The following TCERG1L variants were observed in gnomAD, a reference collection of about 807,000 sequenced individuals.
The protein encoded by TCERG1L is transcription elongation regulator 1 like, also known as transcription elongation regulator 1-like protein.
A neutral mutation model predicts 56.3 loss-of-function variants in TCERG1L; 37 were observed. That is an observed-to-expected ratio of 0.66 (90% CI 0.51 to 0.87). The LOEUF is 0.87. TCERG1L is among the 40% of genes least tolerant of loss of function. The pLI is 0.00. For missense variants in TCERG1L, 799 were observed against 774.2 expected (o/e 1.03, Z -0.38); for synonymous variants, 324 against 326.3 (o/e 0.99, Z 0.08).
chr10:131,220,179 G>C (rs572708220), intron 4 of TCERG1L, among the ~76,000 whole-genome samples: 232 of 152,302 alleles, frequency 1.5e-3, no homozygotes, highest in Non-Finnish European at 2.7e-3. Flanking sequence ...ATGCGAAGGG[G>C]ACAGCCCCCC....
At chr10:131,253,600 T>A (rs548273487) in intron 4 of TCERG1L, among the ~76,000 whole-genome samples, 2 of 152,284 alleles carry the variant, frequency 1.3e-5, no homozygotes, top group East Asian at 3.9e-4. Context: ...TGCTGAACGC[T>A]TCCTGACTGT....
chr10:131,093,450 G>A (rs370184383), intron 11 of TCERG1L, 132 bp from the exon 12 acceptor site: 36 of 1,081,748 alleles, frequency 3.3e-5, no homozygotes, highest in Middle Eastern at 2.7e-4. Context: ...CAGGGCACCC[G>A]GTGGGTGAGC....
intron 4 of TCERG1L, among the ~76,000 whole-genome samples, chr10:131,211,363 G>C (rs1251536643): frequency 1.3e-5 from 2 of 152,240 alleles, no homozygotes; most frequent in African/African-American, 4.8e-5. Context: ...CCCTGAGCAC[G>C]GGGCTCTGAC....
At chr10:131,093,429 G>A in intron 11 of TCERG1L, 111 bp from the exon 12 acceptor site, 3 of 1,339,110 alleles carry the variant, frequency 2.2e-6, no homozygotes, top group Non-Finnish European at 3.1e-6. Context: ...ACCAGGCCTG[G>A]CCGTGGGTGG....
intron 4 of TCERG1L, among the ~76,000 whole-genome samples, chr10:131,251,829 T>C (rs148448731): frequency 7.9e-5 from 12 of 152,332 alleles, no homozygotes; most frequent in African/African-American, 2.9e-4. Context: ...TACAGTTCAG[T>C]GGCATTAAAC....
At chr10:131,297,445 T>C (rs1846710816) in intron 3 of TCERG1L, among the ~76,000 whole-genome samples, 1 of 152,250 alleles carries the variant, frequency 6.6e-6, no homozygotes, top group South Asian at 2.1e-4. Context: ...AAATATATTA[T>C]CAACTTTAAA....
intron 4 of TCERG1L, among the ~76,000 whole-genome samples, chr10:131,167,396 C>G (rs1312565541): frequency 6.6e-6 from 1 of 152,200 alleles, no homozygotes; most frequent in Non-Finnish European, 1.5e-5. Context: ...CATTGTGGGG[C>G]CCCCAGTGCG....
chr10:131,109,217 T>A (rs1258418681), intron 9 of TCERG1L, among the ~76,000 whole-genome samples: 1 of 152,232 alleles, frequency 6.6e-6, no homozygotes, highest in African/African-American at 2.4e-5. Flanking sequence ...ATTTGTGACT[T>A]GATCCTTAAA....
intron 3 of TCERG1L, among the ~76,000 whole-genome samples, chr10:131,293,961 C>A (rs774307071): frequency 6.6e-6 from 1 of 152,154 alleles, no homozygotes; most frequent in Admixed American, 6.5e-5. Flanking sequence ...GGTTCAGACG[C>A]GTGGTGGCTG....
At chr10:131,196,052 C>A (rs541815680) in intron 4 of TCERG1L, among the ~76,000 whole-genome samples, 1 of 152,198 alleles carries the variant, frequency 6.6e-6, no homozygotes. Flanking sequence ...CAGTGAGTAC[C>A]CCCATTGCCA....
At chr10:131,295,598 C>T (rs575243494) in intron 3 of TCERG1L, among the ~76,000 whole-genome samples, 1 of 152,320 alleles carries the variant, frequency 6.6e-6, no homozygotes, top group East Asian at 1.9e-4. Context: ...TTTCTTTAAA[C>T]TCACATAAAA....
chr10:131,218,199 C>A (rs1425614073), intron 4 of TCERG1L, among the ~76,000 whole-genome samples: 4 of 152,180 alleles, frequency 2.6e-5, no homozygotes, highest in African/African-American at 9.7e-5. Context: ...TTTAATAGTG[C>A]ATGGCTTCTG....
At chr10:131,095,006 G>A (rs1176728504) in intron 11 of TCERG1L, among the ~76,000 whole-genome samples, 2 of 152,252 alleles carry the variant, frequency 1.3e-5, no homozygotes, top group Non-Finnish European at 2.9e-5. Context: ...CCAAGGGGCA[G>A]CAACCGGCTT....
chr10:131,261,783 G>A (rs1216567226), intron 3 of TCERG1L, among the ~76,000 whole-genome samples: 2 of 152,156 alleles, frequency 1.3e-5, no homozygotes, highest in African/African-American at 2.4e-5. Context: ...TTGATTTTCT[G>A]TACTTTCCAG....
At chr10:131,139,261 A>T (rs181274292) in intron 7 of TCERG1L, among the ~76,000 whole-genome samples, 88 of 152,342 alleles carry the variant, frequency 5.8e-4, no homozygotes, top group African/African-American at 2.0e-3. Context: ...CACAATCGAT[A>T]TGTTTGCAGA....
chr10:131,107,533 C>T (rs1254246974), intron 9 of TCERG1L, among the ~76,000 whole-genome samples: 7 of 152,046 alleles, frequency 4.6e-5, no homozygotes, highest in African/African-American at 7.2e-5. Context: ...AAGTGAAGGC[C>T]GCACAGCCAT....
rs74584283 is a variant in TCERG1L, at chr10:131,309,017, G to A, written c.489+136C>T. The A allele has an allele frequency of 1.7e-3, 1,742 of 1,005,580 alleles. 25 individuals are homozygous for A. In the African/African-American group the frequency reaches 0.026, roughly 15 times the overall value. 62.3% of individuals were successfully genotyped at this position (1,005,580 alleles called of 1,614,324 possible). Reference sequence around the variant, plus strand: ...TTTTTGAACAAATCAATCTAATCCTGAAATGATTTATTTCTATACCTAGAT... The same window carrying A: ...TTTTTGAACAAATCAATCTAATCCTAAAATGATTTATTTCTATACCTAGAT... On this transcript the variant is annotated intron_variant, in intron 2 of 11. Transcript: ENST00000368642.
At chr10:131,108,929 G>A (rs1480297397) in intron 9 of TCERG1L, among the ~76,000 whole-genome samples, 1 of 152,230 alleles carries the variant, frequency 6.6e-6, no homozygotes, top group Non-Finnish European at 1.5e-5. Flanking sequence ...CCACAGTGGG[G>A]CAGCTTCTTC....
At chr10:131,286,929 C>T (rs1262213654) in intron 3 of TCERG1L, among the ~76,000 whole-genome samples, 1 of 152,032 alleles carries the variant, frequency 6.6e-6, no homozygotes, top group Non-Finnish European at 1.5e-5. Flanking sequence ...AGACGTGTTG[C>T]GAATATCAGA....
Sources: gnomAD v4.1 joint callset for allele counts (sites outside exome capture counted in the v4.1 genomes callset) on GRCh38, gnomAD v4.1.1 for gene constraint, MANE v1.5 for transcripts, NCBI Gene and HGNC (gene_info 2026-07-23, HGNC 2026-07-21) for gene names.